Variants in RANBP2 observed in about 807,000 individuals in gnomAD.
RANBP2 encodes E3 SUMO-protein ligase RanBP2.
A neutral mutation model predicts 303.6 loss-of-function variants in RANBP2; 57 were observed. The observed-to-expected ratio is 0.19, with a 90% CI of 0.15 to 0.23. RANBP2 has a LOEUF of 0.23. RANBP2 is among the 10% of genes least tolerant of loss of function. RANBP2 has a pLI of 1.00. For missense variants in RANBP2, 3,138 were observed against 3,780.8 expected, an observed-to-expected ratio of 0.83 and a Z score of 4.46; for synonymous variants, 1,167 against 1,301.5, an observed-to-expected ratio of 0.90 and a Z score of 2.23.
At chr2:109,190,621 T>C in the RANBP2 span, among the ~76,000 whole-genome samples, 1,226 of 152,350 alleles carry the variant, frequency 8.0e-3, 12 homozygotes, top group East Asian at 0.04. Flanking sequence ...CTAATTATAT[T>C]GCAGCGACTT....
chr2:108,937,521 G>A, the RANBP2 span, among the ~76,000 whole-genome samples: 2 of 152,054 alleles, frequency 1.3e-5, no homozygotes, highest in African/African-American at 4.8e-5. Flanking sequence ...GCATGTGTAA[G>A]TGTAGGTGAG....
At chr2:108,779,188 C>T (rs75862138) in intron 25 of RANBP2, among the ~76,000 whole-genome samples, 3,681 of 149,100 alleles carry the variant, frequency 0.025, 143 homozygotes, top group African/African-American at 0.086. Flanking sequence ...TTTTTTGAGA[C>T]GATCATTCTG....
the RANBP2 span, among the ~76,000 whole-genome samples, chr2:108,963,680 G>A: frequency 3.9e-5 from 6 of 152,230 alleles, no homozygotes; most frequent in Non-Finnish European, 8.8e-5. Context: ...TTCAACAGAA[G>A]AATGAACCTG....
At chr2:109,472,149 C>T in the RANBP2 span, among the ~76,000 whole-genome samples, 5 of 152,222 alleles carry the variant, frequency 3.3e-5, no homozygotes, top group African/African-American at 7.2e-5. Context: ...CCACCTGTGA[C>T]CTCATGGTAG....
Position 108,751,607 on chromosome 2 carries a change from C to A in RANBP2, c.1535C>A (p.Pro512Gln). Residue 512 changes from proline to glutamine, a missense_variant, in exon 11 of 29, where the codon CCG becomes CAG. Physicochemically the swap from Pro to Gln is moderately conservative, Grantham distance 76 (BLOSUM62 -1). Coordinates refer to ENST00000283195, the MANE Select transcript of RANBP2 (RefSeq NM_006267.5). Reference sequence around the variant, plus strand: ...AATTCTCACCACAGCTCCTATCAGCCGTTATGCCTGCCCCTTCCTGTGTGT... The same window carrying A: ...AATTCTCACCACAGCTCCTATCAGCAGTTATGCCTGCCCCTTCCTGTGTGT... ...KCNSHHSSYQ[P>Q]LCLPLPVCKQ... is the part of the protein sequence containing the mutation. 1 of 1,610,824 alleles carries A rather than the reference C, an allele frequency of 6.2e-7. No individual in the cohort carries two copies.
intron 16 of RANBP2, 39 bp downstream of exon 16, chr2:108,755,123 G>T: frequency 6.2e-7 from 1 of 1,611,804 alleles, no homozygotes; most frequent in Non-Finnish European, 8.5e-7. Context: ...TTGTGAAATT[G>T]TTTCTGTTCT....
At chr2:109,084,742 C>T in the RANBP2 span, among the ~76,000 whole-genome samples, 4 of 152,258 alleles carry the variant, frequency 2.6e-5, no homozygotes, top group Non-Finnish European at 4.4e-5. Context: ...AGGAGAGGCA[C>T]GCAGGACCCA....
chr2:109,666,640 A>G, the RANBP2 span, among the ~76,000 whole-genome samples: 1 of 152,228 alleles, frequency 6.6e-6, no homozygotes, highest in Non-Finnish European at 1.5e-5. Flanking sequence ...GAAACAGAAT[A>G]AAGTTAAAGC....
chr2:109,734,451 A>G, the RANBP2 span, among the ~76,000 whole-genome samples: 3 of 152,220 alleles, frequency 2.0e-5, no homozygotes, highest in Non-Finnish European at 4.4e-5. Context: ...TAATACACTG[A>G]CAACTATAAA....
the RANBP2 span, among the ~76,000 whole-genome samples, chr2:109,016,712 C>T: frequency 6.6e-6 from 1 of 152,186 alleles, no homozygotes; most frequent in Admixed American, 6.5e-5. Flanking sequence ...GCCCTGCTGG[C>T]CAGTGGGCTC....
At chr2:109,406,256 C>T in the RANBP2 span, among the ~76,000 whole-genome samples, 1 of 152,064 alleles carries the variant, frequency 6.6e-6, no homozygotes, top group Non-Finnish European at 1.5e-5. Flanking sequence ...TTCAGGCCAA[C>T]TCCACTATGA....
intron 18 of RANBP2, among the ~76,000 whole-genome samples, chr2:108,761,652 C>G (rs185322796): frequency 2.1e-4 from 32 of 152,142 alleles, no homozygotes; most frequent in Admixed American, 1.5e-3. Context: ...TGAACATTCT[C>G]AGTAATAGCT....
chr2:109,623,473 C>G, the RANBP2 span, among the ~76,000 whole-genome samples: 54 of 152,302 alleles, frequency 3.5e-4, no homozygotes, highest in African/African-American at 1.3e-3. Flanking sequence ...TGGCCTCCTG[C>G]GGTCCGGACT....
At chr2:109,187,283 A>G in the RANBP2 span, among the ~76,000 whole-genome samples, 1 of 152,158 alleles carries the variant, frequency 6.6e-6, no homozygotes, top group Non-Finnish European at 1.5e-5. Flanking sequence ...CTTCGATCTG[A>G]TGTGACCTGT....
At chr2:108,791,676 C>T in the RANBP2 span, 1 of 1,603,392 alleles carries the variant, frequency 6.2e-7, no homozygotes, top group Non-Finnish European at 8.5e-7. Context: ...TTTTTAAAGC[C>T]TAGATGATGA....
the RANBP2 span, among the ~76,000 whole-genome samples, chr2:109,570,527 GT>G: frequency 0.085 from 12,571 of 147,190 alleles, 526 homozygotes; most frequent in Non-Finnish European, 0.093. Flanking sequence ...ATTGTATCAG[GT>G]TTTTTTTTTT....
the RANBP2 span, chr2:109,668,004 G>C: frequency 6.1e-6 from 1 of 163,998 alleles, no homozygotes; most frequent in Non-Finnish European, 1.4e-5. Context: ...CAATTGCAGT[G>C]AGCCTTTGGA....
At chr2:109,476,027 G>A in the RANBP2 span, among the ~76,000 whole-genome samples, 7 of 152,326 alleles carry the variant, frequency 4.6e-5, no homozygotes, top group South Asian at 2.1e-4. Flanking sequence ...AGTAAGTCCT[G>A]GAGATCGGCT....
chr2:108,912,621 G>A, the RANBP2 span: 1 of 1,470,938 alleles, frequency 6.8e-7, no homozygotes. Flanking sequence ...CCTCTTCTGA[G>A]CTTTCATCCG....
Sources: allele counts gnomAD v4.1 joint callset (sites outside exome capture counted in the v4.1 genomes callset), GRCh38; gene constraint gnomAD v4.1.1; transcripts MANE v1.5; gene names NCBI Gene and HGNC (gene_info 2026-07-23, HGNC 2026-07-21).